The following MTUS2 variants were observed in gnomAD, a reference collection of about 807,000 sequenced individuals.
MTUS2 encodes microtubule-associated tumor suppressor candidate 2.
MTUS2 carries 40 observed loss-of-function variants against 114.1 expected under a neutral mutation model. The observed-to-expected ratio is 0.35, with a 90% CI of 0.27 to 0.46. The LOEUF is 0.46. MTUS2 is among the 20% of genes least tolerant of loss of function. MTUS2 has a pLI of 1.00. For synonymous variants in MTUS2, 688 were observed against 672.0 expected (o/e 1.02, Z -0.37); for missense variants, 1,679 against 1,705.4 (o/e 0.98, Z 0.27).
intron 9 of MTUS2, among the ~76,000 whole-genome samples, chr13:29,479,885 C>T (rs984284847): frequency 3.9e-5 from 6 of 152,218 alleles, no homozygotes; most frequent in African/African-American, 1.4e-4. Context: ...CCAGATTTGC[C>T]TTCCCAGCTC....
Position 28,841,626 on chromosome 13 carries a change from G to A in MTUS2, c.-243+1776G>A, listed in dbSNP as rs1273203304. Reference sequence around the variant, plus strand: ...ACAAATTGACAAGAGGGATATTCAAGGGGCCTCCTCTTTGTGGTGATGCAA... The same window carrying A: ...ACAAATTGACAAGAGGGATATTCAAAGGGCCTCCTCTTTGTGGTGATGCAA... On this transcript the variant is annotated intron_variant, in intron 2 of 15. Coordinates refer to ENST00000612955, the MANE Select transcript of MTUS2 (RefSeq NM_001033602.4). Among the ~76,000 whole-genome samples the A allele has an allele frequency of 2.6e-5, 4 of 152,090 alleles. 1 individual carries two copies. The highest frequency in any genetic ancestry group is 9.7e-5 in the African/African-American group (4 of 41,424).
chr13:29,265,850 C>A (rs1897645864), intron 5 of MTUS2, among the ~76,000 whole-genome samples: 1 of 152,186 alleles, frequency 6.6e-6, no homozygotes, highest in African/African-American at 2.4e-5. Flanking sequence ...ACCAGGCCCA[C>A]CTCCACACTG....
At chr13:29,139,136 A>G (rs1357123101) in intron 5 of MTUS2, among the ~76,000 whole-genome samples, 1 of 151,416 alleles carries the variant, frequency 6.6e-6, no homozygotes, top group Non-Finnish European at 1.5e-5. Flanking sequence ...GCACTTATGC[A>G]TGTAAGCTGT....
intron 6 of MTUS2, among the ~76,000 whole-genome samples, chr13:29,310,188 C>T (rs983755254): frequency 1.3e-5 from 2 of 152,122 alleles, no homozygotes; most frequent in Non-Finnish European, 2.9e-5. Context: ...TCACAATAAC[C>T]TTGTGGAGTA....
At chr13:28,900,771 C>T (rs1208478383) in intron 2 of MTUS2, among the ~76,000 whole-genome samples, 1 of 152,208 alleles carries the variant, frequency 6.6e-6, no homozygotes, top group East Asian at 1.9e-4. Context: ...CAAAGCACTA[C>T]AAACTAGGTT....
At chr13:29,395,208 T>C (rs1873819287) in intron 8 of MTUS2, among the ~76,000 whole-genome samples, 2 of 152,310 alleles carry the variant, frequency 1.3e-5, no homozygotes, top group South Asian at 4.1e-4. Flanking sequence ...ATTTTAATGT[T>C]AATGCTGGTC....
chr13:29,077,528 T>C (rs1889246954), intron 4 of MTUS2, among the ~76,000 whole-genome samples: 1 of 152,212 alleles, frequency 6.6e-6, no homozygotes, highest in South Asian at 2.1e-4. Context: ...TTGATGTGTT[T>C]TGCTTTCATT....
At chr13:28,951,807 A>G (rs953438280) in intron 2 of MTUS2, among the ~76,000 whole-genome samples, 2 of 152,160 alleles carry the variant, frequency 1.3e-5, no homozygotes, top group African/African-American at 2.4e-5. Context: ...TCAAAGAAAA[A>G]AAAAAAATTT....
intron 4 of MTUS2, among the ~76,000 whole-genome samples, chr13:29,043,355 T>C (rs1488829014): frequency 1.3e-5 from 2 of 152,134 alleles, no homozygotes; most frequent in Admixed American, 1.3e-4. Flanking sequence ...TGGCCTATCA[T>C]ATGCTCTATT....
At chr13:29,471,744 C>CCCCG (rs1227552503) in intron 9 of MTUS2, among the ~76,000 whole-genome samples, 4 of 144,508 alleles carry the variant, frequency 2.8e-5, no homozygotes, top group Non-Finnish European at 6.1e-5. Flanking sequence ...CAGGCCCAGC[C>CCCCG]CCCCCCGACA....
At chr13:29,114,491 C>T (rs1406678797) in intron 5 of MTUS2, among the ~76,000 whole-genome samples, 1 of 152,000 alleles carries the variant, frequency 6.6e-6, no homozygotes, top group Non-Finnish European at 1.5e-5. Context: ...TTCATAGTGT[C>T]TAAATATAAT....
intron 2 of MTUS2, among the ~76,000 whole-genome samples, chr13:28,845,922 C>T (rs1333488014): frequency 6.6e-6 from 1 of 151,836 alleles, no homozygotes. Context: ...CAGTGCCTGC[C>T]ACAAAGTAAA....
At chr13:28,996,110 G>T (rs1277470256) in intron 2 of MTUS2, among the ~76,000 whole-genome samples, 1 of 152,130 alleles carries the variant, frequency 6.6e-6, no homozygotes, top group Non-Finnish European at 1.5e-5. Context: ...AGCATGAAGG[G>T]TTGTTGAATT....
chr13:29,306,389 C>T (rs551264139), intron 6 of MTUS2, among the ~76,000 whole-genome samples: 1 of 152,228 alleles, frequency 6.6e-6, no homozygotes, highest in African/African-American at 2.4e-5. Context: ...CTAGAAAACC[C>T]CATCATCTCA....
chr13:29,402,670 A>C (rs1341302057), intron 8 of MTUS2, among the ~76,000 whole-genome samples: 1 of 152,216 alleles, frequency 6.6e-6, no homozygotes, highest in African/African-American at 2.4e-5. Context: ...TCCTTATAAT[A>C]TTCCAGTTCT....
chr13:29,193,194 CT>C (rs917461445), intron 5 of MTUS2, among the ~76,000 whole-genome samples: 6 of 152,146 alleles, frequency 3.9e-5, no homozygotes, highest in African/African-American at 1.4e-4. Context: ...TGACCTCCCA[CT>C]TTCTGACTAT....
intron 2 of MTUS2, among the ~76,000 whole-genome samples, chr13:28,963,589 T>G (rs1883438024): frequency 6.6e-6 from 1 of 152,154 alleles, no homozygotes; most frequent in Non-Finnish European, 1.5e-5. Context: ...TGTGAATATA[T>G]CCTTTCTTTA....
chr13:29,224,882 T>G (rs559492094), intron 5 of MTUS2, among the ~76,000 whole-genome samples: 9 of 152,158 alleles, frequency 5.9e-5, no homozygotes, highest in African/African-American at 2.2e-4. Flanking sequence ...CAGAATGAGG[T>G]CTTCACAGGC....
chr13:29,310,215 A>G (rs1279993721), intron 6 of MTUS2, among the ~76,000 whole-genome samples: 2 of 152,108 alleles, frequency 1.3e-5, no homozygotes, highest in Non-Finnish European at 2.9e-5. Context: ...GTTGTCACCT[A>G]TTTTACACAG....
Sources: gnomAD v4.1 joint callset for allele counts (sites outside exome capture counted in the v4.1 genomes callset) on GRCh38, gnomAD v4.1.1 for gene constraint, MANE v1.5 for transcripts, NCBI Gene and HGNC (gene_info 2026-07-23, HGNC 2026-07-21) for gene names.